Variants in UBA1 observed in about 807,000 individuals in gnomAD.
UBA1 encodes the protein ubiquitin-like modifier-activating enzyme 1.
A neutral mutation model predicts 84.7 loss-of-function variants in UBA1; 4 were observed. The ratio of observed to expected loss-of-function variants is 0.05; its 90% CI spans 0.02 to 0.11. The LOEUF (loss-of-function observed/expected upper bound fraction) is 0.11, where lower values mean the gene tolerates loss of function less well. UBA1 is among the 10% of genes least tolerant of loss of function. UBA1 has a pLI of 1.00. For synonymous variants in UBA1, 364 were observed against 362.6 expected (o/e 1.00, Z -0.04); for missense variants, 513 against 902.8 (o/e 0.57, Z 5.53).
chrX:47,197,361 TTTGA>T (rs1287658656), intron 1 of UBA1: 6 of 754,060 alleles, frequency 8.0e-6, no homozygotes, highest in African/African-American at 4.6e-5. Context: ...CCCTTTCCTC[TTTGA>T]TTGACACACA....
upstream of UBA1, among the ~76,000 whole-genome samples, chrX:47,192,439 G>A (rs1416464993): frequency 9.0e-6 from 1 of 111,000 alleles, no homozygotes; most frequent in Non-Finnish European, 1.9e-5. Context: ...GGTTTCTCTA[G>A]TGGCTGAGTA....
At chrX:47,204,384 G>A (rs1556789900) in intron 14 of UBA1, among the ~76,000 whole-genome samples, 3 of 110,221 alleles carry the variant, frequency 2.7e-5, no homozygotes, top group South Asian at 3.8e-4. Context: ...TAAACAAGGC[G>A]GCCTTTATTT....
At chrX:47,197,360 C>T (rs1329697408) in intron 1 of UBA1, 2 of 755,038 alleles carry the variant, frequency 2.6e-6, no homozygotes, top group East Asian at 3.0e-4. Context: ...GCCCTTTCCT[C>T]TTTGATTGAC....
rs201470057 is a variant in UBA1, at chrX:47,198,757, G to A, written c.1-46G>A. 6 of 1,144,361 alleles carry A rather than the reference G, an allele frequency of 5.2e-6. No homozygotes were observed. In the East Asian group the frequency reaches 1.2e-4, roughly 23 times the overall value. 94.3% of individuals were successfully genotyped at this position (1,144,361 alleles called of 1,213,427 possible). The stretch of plus-strand genomic sequence containing the variant: ...AGTTGCTACTAACAAACAGAAAAAC[G>A]GTACCCATGTGCTCCAGGGTCACCT... On this transcript the variant is annotated intron_variant, in intron 1 of 25. Transcript: ENST00000335972.
chrX:47,208,316 TGTGTGTAC>T (rs1432145393), intron 16 of UBA1, among the ~76,000 whole-genome samples: 2 of 79,527 alleles, frequency 2.5e-5, no homozygotes, highest in African/African-American at 7.8e-5. Context: ...TACGTGTAAG[TGTGTGTAC>T]GTGTGTGTGT....
chrX:47,192,586 ATT>A (rs1936084224), upstream of UBA1, among the ~76,000 whole-genome samples: 1 of 111,276 alleles, frequency 9.0e-6, no homozygotes, highest in African/African-American at 3.3e-5. Context: ...CATAATTTAT[ATT>A]CTCTGATTTT....
chrX:47,202,329 G>T (rs1936446188), intron 9 of UBA1, 29 bp from the exon 10 acceptor site: 1 of 1,207,652 alleles, frequency 8.3e-7, no homozygotes, highest in African/African-American at 1.8e-5. Context: ...CCTCTCTTCT[G>T]GTTCTGATGA....
At chrX:47,198,261 A>G in intron 1 of UBA1, 1 of 982,902 alleles carries the variant, frequency 1.0e-6, no homozygotes, top group South Asian at 2.0e-5. Context: ...CCTGGGATTA[A>G]GGGAGAGGAG....
intron 16 of UBA1, chrX:47,208,559 T>C (rs1936784752): frequency 1.8e-5 from 2 of 111,515 alleles, no homozygotes; most frequent in African/African-American, 6.5e-5. Flanking sequence ...TGGTAAGATA[T>C]ACCTAATTGA....
rs201169336 is a variant in UBA1 at position 47,206,010 on chromosome X, A to G, written c.1638A>G (p.Thr546=). ...AAATGAATCCACATATCCGGGTGAC[A>G]AGCCACCAGAACCGTGTGGGTCCTG... ...VRQMNPHIRV[T]SHQNRVGPDT... is the part of the protein sequence containing the mutation. The change falls in exon 15 of 26, where the codon ACA becomes ACG. Residue 546 remains threonine, a synonymous_variant. Transcript: ENST00000335972. The G allele has an allele frequency of 6.0e-5, 72 of 1,203,706 alleles. No homozygotes were observed. The highest frequency in any genetic ancestry group is 7.8e-5 in the Non-Finnish European group (70 of 891,912).
At chrX:47,201,887 G>A (rs782366741) in intron 8 of UBA1, among the ~76,000 whole-genome samples, 6 of 111,707 alleles carry the variant, frequency 5.4e-5, no homozygotes, top group Admixed American at 1.9e-4. Flanking sequence ...GCAGATCAGC[G>A]GATCTACTTG....
At chrX:47,207,048 G>C (rs1556791378) in intron 16 of UBA1, among the ~76,000 whole-genome samples, 1 of 110,791 alleles carries the variant, frequency 9.0e-6, no homozygotes, top group Non-Finnish European at 1.9e-5. Flanking sequence ...GATGTCCCCA[G>C]GGGTGCCACA....
At chrX:47,204,704 C>G (rs1209933762) in intron 14 of UBA1, among the ~76,000 whole-genome samples, 2 of 111,625 alleles carry the variant, frequency 1.8e-5, no homozygotes, top group African/African-American at 3.3e-5. Context: ...TGGAAGCAGG[C>G]CTTTCCAAGG....
At chrX:47,196,299 C>G (rs1386698100) in intron 1 of UBA1, among the ~76,000 whole-genome samples, 1 of 110,945 alleles carries the variant, frequency 9.0e-6, no homozygotes. Context: ...ATGGACTTCT[C>G]AGTTAACCCC....
chrX:47,207,521 A>C (rs1216118715), intron 16 of UBA1, among the ~76,000 whole-genome samples: 1 of 112,159 alleles, frequency 8.9e-6, no homozygotes, highest in East Asian at 2.8e-4. Context: ...ATCTAGCTGA[A>C]GTTTTACAAA....
At chrX:47,194,911 A>G (rs1556784986) in intron 1 of UBA1, among the ~76,000 whole-genome samples, 1 of 111,977 alleles carries the variant, frequency 8.9e-6, no homozygotes, top group Non-Finnish European at 1.9e-5. Context: ...TGCACCAGAT[A>G]CCAGGGAGGA....
At chrX:47,194,391 C>T (rs782213356) in intron 1 of UBA1, among the ~76,000 whole-genome samples, 23 of 112,409 alleles carry the variant, frequency 2.0e-4, no homozygotes, top group Non-Finnish European at 3.6e-4. Context: ...GAGCTCCTCA[C>T]CATTGAATGC....
At position 47,203,536 on chromosome X, in the gene UBA1, C is replaced by CT; in HGVS notation, c.1420-3dup. On this transcript the variant is annotated splice_region_variant and splice_polypyrimidine_tract_variant and intron_variant, in intron 13 of 25. Coordinates refer to ENST00000335972, the MANE Select transcript of UBA1 (RefSeq NM_003334.4). ...CCTCTGCCTGTCTTCTTGGTTGCTT[C>CT]TTAGGTGGGTGCGGGGGCCATTGGC... is the stretch of plus-strand genomic sequence containing the variant. The CT allele has an allele frequency of 1.7e-6, 2 of 1,211,465 alleles. No homozygotes were observed.
rs993709598 is a variant in UBA1, at chrX:47,197,188, G to T, written c.1-1615G>T. 39 of 753,796 alleles carry T rather than the reference G, an allele frequency of 5.2e-5. No individual in the cohort carries two copies. In the African/African-American group the frequency reaches 8.0e-4, roughly 16 times the overall value. The allele number at this position is 753,796 out of a possible 1,213,427, so 62.1% of individuals were successfully genotyped here. ...GCCTCCCCTCATCTCCCATTCCTTA[G>T]CCCTGTGGACTGGGCCCTGAGCCCA... On this transcript the variant is annotated intron_variant, in intron 1 of 25. Coordinates refer to ENST00000335972, the MANE Select transcript of UBA1 (RefSeq NM_003334.4).
Sources: allele counts gnomAD v4.1 joint callset (sites outside exome capture counted in the v4.1 genomes callset), GRCh38; gene constraint gnomAD v4.1.1; transcripts MANE v1.5; gene names NCBI Gene and HGNC (gene_info 2026-07-23, HGNC 2026-07-21).